Variants in MED12 observed in about 807,000 individuals in gnomAD.
MED12 encodes mediator of RNA polymerase II transcription subunit 12.
In MED12, 10 loss-of-function variants were observed where a neutral mutation model predicts 177.7. The ratio of observed to expected loss-of-function variants is 0.06; its 90% confidence interval spans 0.03 to 0.10. The LOEUF (loss-of-function observed/expected upper bound fraction) is 0.10, where lower values mean the gene tolerates loss of function less well. Among genes scored for constraint, MED12 ranks in the 10% least tolerant of loss-of-function variants. The pLI, the probability that MED12 is intolerant of heterozygous loss-of-function variation, is 1.00. For missense variants in MED12, 867 were observed against 1,780.8 expected (o/e 0.49, Z 9.23); for synonymous variants, 641 against 678.4 (o/e 0.94, Z 0.86).
intron 7 of MED12, 118 bp downstream of exon 7, chrX:71,121,934 C>T: frequency 9.4e-7 from 1 of 1,068,072 alleles, no homozygotes; most frequent in Non-Finnish European, 1.3e-6. Context: ...TGAGTACTTG[C>T]TTGGAGGTTG....
rs192515277 is a variant in MED12 at position 71,120,002 on chromosome X, A to T, written c.397-12A>T. The T allele has an allele frequency of 2.4e-4, 285 of 1,209,948 alleles. 1 individual carries two copies. In the East Asian group the frequency reaches 6.2e-3, roughly 26 times the overall value. ...GATAATAGAGACCTCACTATTTGCAATGTCCATCCAGGTCCCCATTTTCAG... is the reference window on the plus strand; with the variant it reads ...GATAATAGAGACCTCACTATTTGCATTGTCCATCCAGGTCCCCATTTTCAG... On this transcript the variant is annotated splice_polypyrimidine_tract_variant and intron_variant, in intron 3 of 44. Coordinates refer to ENST00000374080, the MANE Select transcript of MED12 (RefSeq NM_005120.3).
At chrX:71,125,919 C>T in intron 17 of MED12, 117 bp from the exon 18 acceptor site, 2 of 562,699 alleles carry the variant, frequency 3.6e-6, no homozygotes, top group South Asian at 2.4e-5. Context: ...CCCTCCCTCC[C>T]TCCTTCCATC....
In MED12 at chrX:71,121,673, A is replaced by T. The variant is rs781192327; in HGVS notation, c.958A>T (p.Ile320Leu). 9.9e-6 allele frequency: 12 copies of T among 1,210,834 alleles called. No homozygotes were observed. The South Asian group carries it at 1.9e-4, about 19-fold the overall frequency. Reference sequence around the variant, plus strand: ...TGTGAGCAGTCACTCATCTCATGTTATATCTGCTCAGTCAACAAGCACGCT... The same window carrying T: ...TGTGAGCAGTCACTCATCTCATGTTTTATCTGCTCAGTCAACAAGCACGCT... ...DGVSSHSSHV[I>L]SAQSTSTLPT... Residue 320 changes from isoleucine (I) to leucine (L), a missense_variant, in exon 7 of 45, where the codon ATA becomes TTA. By Grantham distance (5) the Ile-to-Leu change is conservative (BLOSUM62 2). Transcript: ENST00000374080.
At chrX:71,132,620 G>T (rs1233227584) in intron 31 of MED12, 82 bp downstream of exon 31, 7 of 1,077,045 alleles carry the variant, frequency 6.5e-6, no homozygotes, top group Non-Finnish European at 7.6e-6. Context: ...AATGGGCCAA[G>T]GAGAAGCATC....
At position 71,134,781 on chromosome X, in the gene MED12, C is replaced by T; in HGVS notation, c.4796C>T (p.Ser1599Phe). 1.7e-6 allele frequency: 2 copies of T among 1,211,187 alleles called. No individual in the cohort carries two copies. Among genetic ancestry groups the T allele is most frequent in the Non-Finnish European group, 2.2e-6 (2 of 895,342 alleles). Residue 1599 changes from serine (S) to phenylalanine (F), a missense_variant, in exon 35 of 45, where the codon TCT becomes TTT. Ser to Phe is a radical substitution (Grantham distance 155, BLOSUM62 -2). Transcript: ENST00000374080. ...LINGTLAADM[S>F]SISQGSMEEN... ...AATGGGACATTGGCTGCAGACATGT[C>T]TAGCATCTCGCAAGGTAGCATGGAG...
At chrX:71,138,119 A>G (rs1276000913) in intron 41 of MED12, among the ~76,000 whole-genome samples, 176 bp downstream of exon 41, 1 of 111,645 alleles carries the variant, frequency 9.0e-6, no homozygotes, top group African/African-American at 3.3e-5. Context: ...GGGACCCTGG[A>G]GACCAATAGT....
Position 71,118,703 on chromosome X carries a change from C to G in MED12, c.-52C>G, listed in dbSNP as rs953298929. 1 of 1,127,064 alleles carries G rather than the reference C, an allele frequency of 8.9e-7. No individual in the cohort carries two copies. Among genetic ancestry groups the G allele is most frequent in the African/African-American group, 1.8e-5 (1 of 54,934 alleles). The allele number at this position is 1,127,064 out of a possible 1,213,427, so 92.9% of individuals were successfully genotyped here. ...TCGGCTCCCTCTCCCCCTTCCCGTT[C>G]CCCCAGTCAGCCTGGCCCTGCTGGT... On this transcript the variant is annotated 5_prime_UTR_variant, in exon 1 of 45. Transcript: ENST00000374080.
At chrX:71,135,035 T>A in intron 35 of MED12, 57 bp from the exon 36 acceptor site, 1 of 1,201,477 alleles carries the variant, frequency 8.3e-7, no homozygotes, top group Non-Finnish European at 1.1e-6. Context: ...CCCCTGAGAC[T>A]TCCCATCCCT....
rs755250008 is a variant in MED12 at position 71,129,202 on chromosome X, C to T, written c.3564C>T (p.Cys1188=). The stretch of plus-strand genomic sequence containing the variant: ...TCAAGACACCGCAGCTCAATCCTTG[C>T]CAGTCTGATGGAAGTAAGTGACCCT... ...HLFKTPQLNP[C]QSDGNKPTVG... The change falls in exon 25 of 45, where the codon TGC becomes TGT. Residue 1188 remains cysteine, a synonymous_variant. Transcript: ENST00000374080. 3 of 1,206,638 alleles carry T rather than the reference C, an allele frequency of 2.5e-6. No individual in the cohort carries two copies. Among genetic ancestry groups the T allele is most frequent in the Admixed American group, 4.4e-5 (2 of 45,711 alleles).
At chrX:71,141,557 G>A (rs962189033) in intron 43 of MED12, among the ~76,000 whole-genome samples, 187 bp downstream of exon 43, 10 of 112,501 alleles carry the variant, frequency 8.9e-5, no homozygotes, top group Non-Finnish European at 1.9e-5. Flanking sequence ...GGGAGGCCAA[G>A]GCAGGTGGAT....
In MED12 at chrX:71,124,342, A is replaced by C. The variant is rs1323737907; in HGVS notation, c.1928A>C (p.Asp643Ala). ...PPSPFDDPAD[D>A]PEHKEAEGSS... ...TCTCCCTTTGATGATCCTGCCGATGACCCAGAGCACAAGGAGGCTGAAGGC... is the reference window on the plus strand; with the variant it reads ...TCTCCCTTTGATGATCCTGCCGATGCCCCAGAGCACAAGGAGGCTGAAGGC... The change falls in exon 13 of 45, where the codon GAC becomes GCC. Residue 643 changes from aspartate to alanine, a missense_variant. Asp to Ala is a moderately radical substitution (Grantham distance 126, BLOSUM62 -2). Coordinates refer to ENST00000374080, the MANE Select transcript of MED12 (RefSeq NM_005120.3). 1 of 1,207,883 alleles carries C rather than the reference A, an allele frequency of 8.3e-7. No individual in the cohort carries two copies. The highest frequency in any genetic ancestry group is 2.2e-5 in the Admixed American group (1 of 45,551).
chrX:71,127,730 G>A, intron 21 of MED12, 163 bp from the exon 22 acceptor site: 1 of 509,477 alleles, frequency 2.0e-6, no homozygotes, highest in African/African-American at 2.3e-5. Flanking sequence ...TTCCCATGTG[G>A]TTCCTTTCCT....
chrX:71,140,438 C>G (rs957150430), intron 41 of MED12, among the ~76,000 whole-genome samples, 197 bp from the exon 42 acceptor site: 3 of 110,901 alleles, frequency 2.7e-5, no homozygotes, highest in Non-Finnish European at 5.7e-5. Context: ...AAATTCCTAA[C>G]CATTAAGGTT....
intron 35 of MED12, 93 bp from the exon 36 acceptor site, chrX:71,134,999 C>A: frequency 8.6e-7 from 1 of 1,162,799 alleles, no homozygotes; most frequent in South Asian, 1.8e-5. Context: ...GAGTGGGGGT[C>A]TTCTCTGTGC....
At chrX:71,120,852 C>T in intron 4 of MED12, 119 bp from the exon 5 acceptor site, 1 of 871,971 alleles carries the variant, frequency 1.1e-6, no homozygotes, top group Admixed American at 2.4e-5. Context: ...TCGTGATCCA[C>T]CTGCCTCAGC....
chrX:71,124,344 C>G lies in MED12; in HGVS notation c.1930C>G (p.Pro644Ala), dbSNP rs950787066. 8.3e-7 allele frequency: 1 copy of G among 1,207,948 alleles called. No homozygotes were observed. Among genetic ancestry groups the G allele is most frequent in the African/African-American group, 1.8e-5 (1 of 57,012 alleles). ...TCCCTTTGATGATCCTGCCGATGAC[C>G]CAGAGCACAAGGAGGCTGAAGGCAG... ...PSPFDDPADD[P>A]EHKEAEGSSS... Residue 644 changes from proline to alanine, a missense_variant, in exon 13 of 45, where the codon CCA becomes GCA. Coordinates refer to ENST00000374080, the MANE Select transcript of MED12 (RefSeq NM_005120.3).
intron 42 of MED12, 23 bp downstream of exon 42, chrX:71,140,880 G>A (rs1418054883): frequency 8.3e-7 from 1 of 1,201,624 alleles, no homozygotes; most frequent in Non-Finnish European, 1.1e-6. Flanking sequence ...GATTTCATCT[G>A]GGACCTGGGA....
chrX:71,122,411 G>C, intron 8 of MED12, 65 bp downstream of exon 8: 1 of 1,191,686 alleles, frequency 8.4e-7, no homozygotes, highest in Non-Finnish European at 1.1e-6. Context: ...TCTTTCAGAA[G>C]TAGTGATTTG....
chrX:71,138,829 G>A (rs1014472637), intron 41 of MED12, among the ~76,000 whole-genome samples: 6 of 111,566 alleles, frequency 5.4e-5, no homozygotes, highest in Non-Finnish European at 1.1e-4. Flanking sequence ...ATAAGGAGTC[G>A]TAAAGCCAGT....
Sources: gnomAD v4.1 joint callset for allele counts (sites outside exome capture counted in the v4.1 genomes callset) on GRCh38, gnomAD v4.1.1 for gene constraint, MANE v1.5 for transcripts, NCBI Gene and HGNC (gene_info 2026-07-23, HGNC 2026-07-21) for gene names.